Variants in ANKS1B observed in about 807,000 individuals in gnomAD.
The protein encoded by ANKS1B is ankyrin repeat and sterile alpha motif domain-containing protein 1B.
A neutral mutation model predicts 148.3 loss-of-function variants in ANKS1B; 36 were observed. The observed-to-expected ratio is 0.24, with a 90% CI of 0.19 to 0.32. ANKS1B has a LOEUF of 0.32. Ranked by LOEUF, ANKS1B falls within the 10% of genes least tolerant of loss-of-function variation. ANKS1B has a pLI of 1.00. For synonymous variants in ANKS1B, 542 were observed against 560.8 expected (o/e 0.97, Z 0.47); for missense variants, 1,157 against 1,542.6 (o/e 0.75, Z 4.19).
At chr12:98,768,426 T>TCTAAAA in intron 25 of ANKS1B, among the ~76,000 whole-genome samples, 1 of 46,692 alleles carries the variant, frequency 2.1e-5, no homozygotes, top group South Asian at 1.4e-3. Flanking sequence ...GGGTGCTCTC[T>TCTAAAA]AAAAAAAAAA....
chr12:99,469,598 T>C (rs1451837606), intron 10 of ANKS1B, among the ~76,000 whole-genome samples: 2 of 152,084 alleles, frequency 1.3e-5, no homozygotes, highest in African/African-American at 4.8e-5. Flanking sequence ...TTTTGAACAG[T>C]CAGAGTATTA....
At chr12:99,306,281 G>A (rs928979240) in intron 12 of ANKS1B, among the ~76,000 whole-genome samples, 2 of 152,098 alleles carry the variant, frequency 1.3e-5, no homozygotes, top group African/African-American at 4.8e-5. Context: ...GGATGACTGA[G>A]AAGGAAGCAT....
intron 12 of ANKS1B, among the ~76,000 whole-genome samples, chr12:99,294,434 A>G (rs1394242696): frequency 6.6e-6 from 1 of 152,210 alleles, no homozygotes; most frequent in African/African-American, 2.4e-5. Flanking sequence ...CAGAAAGATT[A>G]ACTTCACATG....
chr12:99,107,322 G>C (rs1352693911), intron 15 of ANKS1B, among the ~76,000 whole-genome samples: 1 of 152,110 alleles, frequency 6.6e-6, no homozygotes, highest in East Asian at 1.9e-4. Flanking sequence ...GAAGTGATGA[G>C]AATGGGAAAC....
chr12:99,798,439 A>AAAAAC (rs1567868489), intron 4 of ANKS1B, among the ~76,000 whole-genome samples: 2 of 151,204 alleles, frequency 1.3e-5, no homozygotes, highest in African/African-American at 2.4e-5. Context: ...AAAAAAAAAA[A>AAAAAC]AAAACAAAAG....
chr12:99,437,527 T>C (rs889179548), intron 11 of ANKS1B, among the ~76,000 whole-genome samples: 6 of 151,928 alleles, frequency 3.9e-5, no homozygotes, highest in Non-Finnish European at 8.8e-5. Context: ...CCGTGGTCAC[T>C]TCTCAAGAGC....
chr12:99,745,931 G>A (rs1311393460), intron 8 of ANKS1B, among the ~76,000 whole-genome samples: 1 of 151,586 alleles, frequency 6.6e-6, no homozygotes, highest in African/African-American at 2.4e-5. Flanking sequence ...AATATTTAAT[G>A]GTGTTCAAAA....
chr12:99,531,113 T>C (rs1321196716), intron 9 of ANKS1B, among the ~76,000 whole-genome samples: 3 of 152,170 alleles, frequency 2.0e-5, no homozygotes, highest in Non-Finnish European at 4.4e-5. Context: ...AGTAAGAATT[T>C]TGTGGCTACA....
chr12:98,935,169 G>A (rs1567871887), intron 17 of ANKS1B, among the ~76,000 whole-genome samples: 2 of 152,116 alleles, frequency 1.3e-5, no homozygotes, highest in Non-Finnish European at 2.9e-5. Flanking sequence ...TTTCTAGTTT[G>A]TTGAGAGTTT....
At chr12:99,828,571 G>A (rs2083494915) in intron 1 of ANKS1B, among the ~76,000 whole-genome samples, 1 of 151,898 alleles carries the variant, frequency 6.6e-6, no homozygotes, top group South Asian at 2.1e-4. Context: ...AAGAAACTTA[G>A]AGAAAATTTA....
intron 9 of ANKS1B, among the ~76,000 whole-genome samples, chr12:99,627,768 G>A (rs1275276683): frequency 1.3e-5 from 2 of 152,148 alleles, no homozygotes; most frequent in African/African-American, 2.4e-5. Flanking sequence ...TATAATAAAA[G>A]GCAGAAAGCC....
At chr12:99,470,956 A>G (rs901200999) in intron 10 of ANKS1B, among the ~76,000 whole-genome samples, 1 of 152,134 alleles carries the variant, frequency 6.6e-6, no homozygotes, top group Admixed American at 6.6e-5. Context: ...AGTTATATGA[A>G]TACTAATGAT....
intron 17 of ANKS1B, among the ~76,000 whole-genome samples, chr12:98,975,646 TG>T (rs746923525): frequency 5.3e-5 from 8 of 151,976 alleles, no homozygotes; most frequent in Non-Finnish European, 1.2e-4. Flanking sequence ...CATTTTTGTT[TG>T]GTTTTTTTTT....
intron 1 of ANKS1B, among the ~76,000 whole-genome samples, chr12:99,925,907 T>C (rs756540112): frequency 9.9e-5 from 15 of 152,244 alleles, no homozygotes; most frequent in Non-Finnish European, 1.9e-4. Flanking sequence ...ACAGATTTTT[T>C]ATCTGATTCT....
At chr12:99,802,862 T>A (rs1268915234) in intron 4 of ANKS1B, among the ~76,000 whole-genome samples, 1 of 150,694 alleles carries the variant, frequency 6.6e-6, no homozygotes, top group African/African-American at 2.4e-5. Context: ...GAAGTGAGCA[T>A]GATTGCACCA....
At chr12:98,939,445 C>A (rs906338078) in intron 17 of ANKS1B, among the ~76,000 whole-genome samples, 1 of 152,102 alleles carries the variant, frequency 6.6e-6, no homozygotes, top group East Asian at 1.9e-4. Flanking sequence ...TTGGCCATTG[C>A]GGTTAATTTT....
chr12:99,179,979 C>T (rs1202754882), intron 14 of ANKS1B, among the ~76,000 whole-genome samples: 1 of 152,100 alleles, frequency 6.6e-6, no homozygotes, highest in East Asian at 1.9e-4. Flanking sequence ...TTTCTATGAA[C>T]CCTTTCCTCC....
chr12:99,692,668 C>A (rs1434373120), intron 8 of ANKS1B, among the ~76,000 whole-genome samples: 153 of 128,260 alleles, frequency 1.2e-3, no homozygotes, highest in South Asian at 2.3e-3. Context: ...AAGATTCTGT[C>A]AAAAAAAAAA....
intron 16 of ANKS1B, among the ~76,000 whole-genome samples, chr12:99,064,958 G>A (rs1205373374): frequency 6.6e-6 from 1 of 152,140 alleles, no homozygotes; most frequent in Admixed American, 6.5e-5. Flanking sequence ...GTTAAACATC[G>A]TTATTTGTTT....
Sources: allele counts gnomAD v4.1 joint callset (sites outside exome capture counted in the v4.1 genomes callset), GRCh38; gene constraint gnomAD v4.1.1; transcripts MANE v1.5; gene names NCBI Gene and HGNC (gene_info 2026-07-23, HGNC 2026-07-21).